The following RORA variants were observed in gnomAD, a reference collection of about 807,000 sequenced individuals.
RORA encodes RAR related orphan receptor A.
Under a neutral mutation model 69.5 loss-of-function variants are expected in RORA, and 7 were observed. The ratio of observed to expected loss-of-function variants is 0.10; its 90% confidence interval spans 0.06 to 0.19. The LOEUF is 0.19. RORA is among the 10% of genes least tolerant of loss of function. RORA has a pLI of 1.00. For missense variants in RORA, 457 were observed against 663.0 expected (o/e 0.69, Z 3.41); for synonymous variants, 261 against 240.8 (o/e 1.08, Z -0.78).
chr15:60,919,311 G>A (rs901888005), intron 1 of RORA, among the ~76,000 whole-genome samples: 2 of 152,160 alleles, frequency 1.3e-5, no homozygotes, highest in South Asian at 2.1e-4. Flanking sequence ...GAGACCCCTC[G>A]TTTAATAGAG....
chr15:60,950,530 T>C (rs1893058189), intron 1 of RORA, among the ~76,000 whole-genome samples: 1 of 142,130 alleles, frequency 7.0e-6, no homozygotes, highest in East Asian at 2.0e-4. Flanking sequence ...CAGTGTGCCG[T>C]ATTCAGGAAA....
At chr15:60,937,228 C>T (rs1892551458) in intron 1 of RORA, among the ~76,000 whole-genome samples, 1 of 152,196 alleles carries the variant, frequency 6.6e-6, no homozygotes, top group Admixed American at 6.5e-5. Flanking sequence ...CAGAAACTTT[C>T]ATGGAGCTCA....
intron 1 of RORA, among the ~76,000 whole-genome samples, chr15:60,961,736 G>A (rs1351666682): frequency 1.3e-5 from 2 of 152,214 alleles, no homozygotes; most frequent in Non-Finnish European, 2.9e-5. Flanking sequence ...CAGGAGCACT[G>A]AGAACCGCCA....
At chr15:61,022,636 T>C (rs984402746) in intron 1 of RORA, among the ~76,000 whole-genome samples, 1 of 152,210 alleles carries the variant, frequency 6.6e-6, no homozygotes, top group African/African-American at 2.4e-5. Flanking sequence ...TTCTGTACTT[T>C]TGTGCTTTCT....
intron 2 of RORA, among the ~76,000 whole-genome samples, chr15:60,609,247 C>T (rs2069026614): frequency 6.6e-6 from 1 of 152,160 alleles, no homozygotes; most frequent in African/African-American, 2.4e-5. Flanking sequence ...TTGCTCTTAA[C>T]ACCATTTGCT....
chr15:60,861,899 T>C lies in RORA; in HGVS notation c.167-183213A>G, dbSNP rs562227745. 7.0e-4 allele frequency among the ~76,000 whole-genome samples: 106 copies of C among 152,330 alleles called. 3 individuals are homozygous for C. Among genetic ancestry groups the C allele is most frequent in the African/African-American group, 2.4e-3 (99 of 41,580 alleles). ...AAGATCTCTATCCCAGCTATTACAC[T>C]CCTAAGGTCACTGGGCTCTCCTCAA... On this transcript the variant is annotated intron_variant, in intron 1 of 10. Transcript: ENST00000335670.
intron 1 of RORA, among the ~76,000 whole-genome samples, chr15:61,085,787 T>C (rs2078616110): frequency 6.6e-6 from 1 of 152,226 alleles, no homozygotes; most frequent in African/African-American, 2.4e-5. Context: ...GCCCCCAGCA[T>C]CCACTCACTT....
rs369433640 is a variant in RORA, at chr15:61,205,020, G to A, written c.166+24033C>T. Among the ~76,000 whole-genome samples the A allele has an allele frequency of 5.3e-5, 8 of 152,320 alleles. No individual in the cohort carries two copies. The East Asian group carries it at 9.6e-4, about 18-fold the overall frequency. Reference sequence around the variant, plus strand: ...ATTGCTGTTCTCGTGTTTGGCCTACGCTGGGCCAAATCCTGCCCCAAAATA... The same window carrying A: ...ATTGCTGTTCTCGTGTTTGGCCTACACTGGGCCAAATCCTGCCCCAAAATA... On this transcript the variant is annotated intron_variant, in intron 1 of 10. Transcript: ENST00000335670.
chr15:60,926,938 T>C lies in RORA; in HGVS notation c.167-248252A>G, dbSNP rs75382915. Among the ~76,000 whole-genome samples, 1,315 of 152,354 alleles carry C rather than the reference T, an allele frequency of 8.6e-3. 26 individuals are homozygous for C. Among genetic ancestry groups the C allele is most frequent in the African/African-American group, 0.03 (1,260 of 41,580 alleles). On this transcript the variant is annotated intron_variant, in intron 1 of 10. Transcript: ENST00000335670. Reference sequence around the variant, plus strand: ...TGGAAGTTTTAATTTACTACCTGGCTCTTGAGATTTGGGGTAAATTTTCCT... The same window carrying C: ...TGGAAGTTTTAATTTACTACCTGGCCCTTGAGATTTGGGGTAAATTTTCCT...
intron 1 of RORA, among the ~76,000 whole-genome samples, chr15:61,070,873 A>G (rs2078332074): frequency 6.6e-6 from 1 of 152,134 alleles, no homozygotes; most frequent in Admixed American, 6.5e-5. Context: ...AGCATGCAAA[A>G]TATAGCTTCT....
At chr15:61,006,317 G>C (rs1181510641) in intron 1 of RORA, among the ~76,000 whole-genome samples, 1 of 151,988 alleles carries the variant, frequency 6.6e-6, no homozygotes, top group East Asian at 1.9e-4. Context: ...GATTTCTACA[G>C]TGACCATGTA....
rs544060739 is a variant in RORA, at chr15:60,542,668, T to C, written c.197-10817A>G. On this transcript the variant is annotated intron_variant, in intron 2 of 10. Transcript: ENST00000335670. ...GACACACGGGCACACCTCACACACATGGCACACGGGCACACCTCCCACACA... is the reference window on the plus strand; with the variant it reads ...GACACACGGGCACACCTCACACACACGGCACACGGGCACACCTCCCACACA... Among the ~76,000 whole-genome samples, 210 of 80,254 alleles carry C rather than the reference T, an allele frequency of 2.6e-3. 7 individuals are homozygous for C. The highest frequency in any genetic ancestry group is 0.012 in the African/African-American group (187 of 15,172). The allele number at this position is 80,254 out of a possible 152,430, so 52.6% of individuals were successfully genotyped here.
At chr15:61,140,404 C>G (rs1596021918) in intron 1 of RORA, among the ~76,000 whole-genome samples, 1 of 152,190 alleles carries the variant, frequency 6.6e-6, no homozygotes, top group East Asian at 1.9e-4. Context: ...TCTACTCATC[C>G]TTAAAGACTC....
At chr15:60,883,703 A>G (rs1025383225) in intron 1 of RORA, among the ~76,000 whole-genome samples, 2 of 152,266 alleles carry the variant, frequency 1.3e-5, no homozygotes, top group Non-Finnish European at 2.9e-5. Context: ...AGATTCTCCA[A>G]TAAGCATGTG....
intron 1 of RORA, among the ~76,000 whole-genome samples, chr15:61,028,741 A>G (rs1354906838): frequency 6.6e-6 from 1 of 152,244 alleles, no homozygotes; most frequent in Non-Finnish European, 1.5e-5. Context: ...ATGTCTATCA[A>G]CTGATGCGTG....
rs1291524998 is a variant in RORA at position 61,061,269 on chromosome 15, C to T, written c.166+167784G>A. 6.6e-6 allele frequency among the ~76,000 whole-genome samples: 1 copy of T among 152,038 alleles called. No homozygotes were observed. Among genetic ancestry groups the T allele is most frequent in the African/African-American group, 2.4e-5 (1 of 41,390 alleles). On this transcript the variant is annotated intron_variant, in intron 1 of 10. Coordinates refer to ENST00000335670, the MANE Select transcript of RORA (RefSeq NM_134261.3). This position sits in a 1 kb window ranked among gnomAD's most constrained non-coding sequence, Gnocchi z 4.4. Reference sequence around the variant, plus strand: ...TCGGGAGGCTGAGGCAGGAGAATGGCATGAGCTCGGGAGGCAGAGCTTGCA... The same window carrying T: ...TCGGGAGGCTGAGGCAGGAGAATGGTATGAGCTCGGGAGGCAGAGCTTGCA...
rs529948329 is a variant in RORA, at chr15:60,570,096, C to A, written c.197-38245G>T. ...TGAAGGGGACAGATCCAACAATCCC[C>A]CTGCTTATTTGACTCCGAGACAAGA... On this transcript the variant is annotated intron_variant, in intron 2 of 10. Coordinates refer to ENST00000335670, the MANE Select transcript of RORA (RefSeq NM_134261.3). Among the ~76,000 whole-genome samples, 23 of 152,240 alleles carry A rather than the reference C, an allele frequency of 1.5e-4. No individual in the cohort carries two copies. In the East Asian group the frequency reaches 4.0e-3, roughly 27 times the overall value.
At chr15:61,059,920 G>GAAGAAGAAGAAC (rs1566968599) in intron 1 of RORA, among the ~76,000 whole-genome samples, 11 of 137,072 alleles carry the variant, frequency 8.0e-5, no homozygotes, top group African/African-American at 2.9e-4. Context: ...AGAAGAAGAA[G>GAAGAAGAAGAAC]AAGAAGAAGA....
chr15:61,074,113 T>G (rs1181594387), intron 1 of RORA, among the ~76,000 whole-genome samples: 1 of 152,200 alleles, frequency 6.6e-6, no homozygotes, highest in Non-Finnish European at 1.5e-5. Context: ...GCTATTATCA[T>G]GAAGAGCAAA....
Sources: gnomAD v4.1 joint callset for allele counts (sites outside exome capture counted in the v4.1 genomes callset) on GRCh38, gnomAD v4.1.1 for gene constraint, Gnocchi (gnomAD v3.1) non-coding constraint, MANE v1.5 for transcripts, NCBI Gene and HGNC (gene_info 2026-07-23, HGNC 2026-07-21) for gene names.